AQP7B: variants seen among roughly 807,000 people sequenced by gnomAD.
The protein encoded by AQP7B is putative aquaporin-7B.
At chr2:94,598,055 C>A in the AQP7B span, among the ~76,000 whole-genome samples, 6 of 152,138 alleles carry the variant, frequency 3.9e-5, no homozygotes, top group Non-Finnish European at 7.3e-5. Context: ...CCTCAGTTTC[C>A]CCATTTATAG....
chr2:94,601,324 G>A, the AQP7B span, among the ~76,000 whole-genome samples: 3 of 152,216 alleles, frequency 2.0e-5, no homozygotes, highest in Non-Finnish European at 4.4e-5. Context: ...ATAGAGTGAG[G>A]AGCAGGTGTG....
chr2:94,596,239 T>A, the AQP7B span, among the ~76,000 whole-genome samples: 4 of 152,246 alleles, frequency 2.6e-5, no homozygotes, highest in African/African-American at 9.6e-5. Flanking sequence ...ATTGGGACAG[T>A]ATCCAGACTG....
chr2:94,602,681 C>T, the AQP7B span: 5 of 1,466,586 alleles, frequency 3.4e-6, no homozygotes, highest in South Asian at 2.4e-5. Context: ...CTTTCCTGCC[C>T]ACCTCAGCCA....
chr2:94,601,300 C>G, the AQP7B span, among the ~76,000 whole-genome samples: 2 of 152,118 alleles, frequency 1.3e-5, no homozygotes, highest in South Asian at 4.1e-4. Context: ...GCTCGGCCAA[C>G]GGGGATGGGG....
At chr2:94,597,438 C>A in the AQP7B span, among the ~76,000 whole-genome samples, 11 of 152,070 alleles carry the variant, frequency 7.2e-5, no homozygotes, top group South Asian at 2.1e-4. Flanking sequence ...GATGCTAAGC[C>A]CCTTATGTGC....
At chr2:94,594,372 T>C in the AQP7B span, among the ~76,000 whole-genome samples, 1 of 152,232 alleles carries the variant, frequency 6.6e-6, no homozygotes, top group Non-Finnish European at 1.5e-5. Context: ...TGGACAGACA[T>C]AGACAACTGA....
the AQP7B span, among the ~76,000 whole-genome samples, chr2:94,598,447 G>A: frequency 3.9e-5 from 6 of 152,158 alleles, no homozygotes; most frequent in Non-Finnish European, 5.9e-5. Context: ...GGAGCCATCC[G>A]GGCCCTGGAA....
chr2:94,603,074 T>A, the AQP7B span: 1 of 1,595,344 alleles, frequency 6.3e-7, no homozygotes, highest in Non-Finnish European at 8.5e-7. Context: ...TCACTAACTG[T>A]GCGCTGGGCC....
At chr2:94,603,419 T>G in the AQP7B span, 1 of 1,609,564 alleles carries the variant, frequency 6.2e-7, no homozygotes, top group Non-Finnish European at 8.5e-7. Context: ...GAGCTGATGG[T>G]GACCGGTCCC....
the AQP7B span, among the ~76,000 whole-genome samples, chr2:94,601,779 C>T: frequency 8.9e-3 from 1,352 of 152,032 alleles, 13 homozygotes; most frequent in Admixed American, 0.014. Flanking sequence ...ATGGGGGAGA[C>T]GGAGGCCTCT....
At chr2:94,593,207 C>T in the AQP7B span, among the ~76,000 whole-genome samples, 2 of 151,766 alleles carry the variant, frequency 1.3e-5, no homozygotes, top group South Asian at 4.2e-4. Flanking sequence ...AAGTGAATGG[C>T]CTAGAGGAGA....
At chr2:94,599,927 G>A in the AQP7B span, among the ~76,000 whole-genome samples, 2 of 150,948 alleles carry the variant, frequency 1.3e-5, no homozygotes, top group African/African-American at 4.9e-5. Context: ...CGCCCAGGCT[G>A]GAGTGCAGTG....
chr2:94,593,076 C>T, the AQP7B span, among the ~76,000 whole-genome samples: 196 of 152,046 alleles, frequency 1.3e-3, no homozygotes, highest in African/African-American at 4.5e-3. Context: ...GATCAGCTCG[C>T]CTCGGCAAGT....
chr2:94,603,402 G>C, the AQP7B span: 1 of 1,607,268 alleles, frequency 6.2e-7, no homozygotes, highest in Non-Finnish European at 8.5e-7. Context: ...TCCACTTTTC[G>C]GGTGGAGAGC....
the AQP7B span, among the ~76,000 whole-genome samples, chr2:94,591,231 C>T: frequency 2.6e-5 from 4 of 152,076 alleles, no homozygotes; most frequent in African/African-American, 4.8e-5. Context: ...GGCCATCCCA[C>T]CCAAGTGTCT....
At chr2:94,594,832 C>G in the AQP7B span, 946 of 1,557,524 alleles carry the variant, frequency 6.1e-4, 3 homozygotes, top group East Asian at 8.3e-3. Context: ...GAAGATGGTG[C>G]GAGAGTTCTT....
At chr2:94,587,427 C>T in the AQP7B span, among the ~76,000 whole-genome samples, 1 of 152,138 alleles carries the variant, frequency 6.6e-6, no homozygotes, top group Non-Finnish European at 1.5e-5. Context: ...GGGCTCCAGG[C>T]AGGGTGGGGA....
chr2:94,595,245 G>A, the AQP7B span, among the ~76,000 whole-genome samples: 1 of 152,154 alleles, frequency 6.6e-6, no homozygotes, highest in South Asian at 2.1e-4. Flanking sequence ...AACCAGCCTG[G>A]CCAACATGGT....
the AQP7B span, among the ~76,000 whole-genome samples, chr2:94,589,605 A>T: frequency 3.9e-5 from 6 of 152,140 alleles, no homozygotes; most frequent in Non-Finnish European, 7.3e-5. Context: ...AGCTCCACAC[A>T]AGCAGGGATA....
Sources: gnomAD v4.1 joint callset for allele counts (sites outside exome capture counted in the v4.1 genomes callset) on GRCh38, gnomAD v4.1.1 for gene constraint, MANE v1.5 for transcripts, NCBI Gene and HGNC (gene_info 2026-07-23, HGNC 2026-07-21) for gene names.